TJP2: variants seen among roughly 807,000 people sequenced by gnomAD.
The protein encoded by TJP2 is tight junction protein 2.
Under a neutral mutation model 133.1 loss-of-function variants are expected in TJP2, and 91 were observed. That is an observed-to-expected ratio of 0.68 (90% confidence interval 0.58 to 0.81). TJP2 has a LOEUF of 0.81. TJP2 is among the 40% of genes least tolerant of loss of function. TJP2 has a pLI of 0.00. For missense variants in TJP2, 1,541 were observed against 1,565.6 expected (o/e 0.98, Z 0.26); for synonymous variants, 592 against 583.4 (o/e 1.01, Z -0.21).
chr9:69,175,217 T>C (rs1587971342), intron 1 of TJP2, among the ~76,000 whole-genome samples: 1 of 152,216 alleles, frequency 6.6e-6, no homozygotes, highest in South Asian at 2.1e-4. Context: ...AGGCTGCTTT[T>C]CTGGCAGCTG....
chr9:69,135,763 G>A (rs74364639), intron 1 of TJP2, among the ~76,000 whole-genome samples: 3,464 of 152,098 alleles, frequency 0.023, 104 homozygotes, highest in African/African-American at 0.066. Context: ...GCGCCATCAC[G>A]CCCAGCTAAT....
Position 69,204,821 on chromosome 9 carries a change from A to T in TJP2, c.61-7727A>T, listed in dbSNP as rs763255690. 1.4e-4 allele frequency: 148 copies of T among 1,083,244 alleles called. 1 individual carries two copies. The highest frequency in any genetic ancestry group is 1.5e-4 in the Non-Finnish European group (136 of 891,174). 67.1% of individuals were successfully genotyped at this position (1,083,244 alleles called of 1,614,324 possible). A position where few individuals can be genotyped will look rare whatever the true frequency, so the allele number is the denominator to read the frequency against. On this transcript the variant is annotated intron_variant, in intron 1 of 22. Transcript: ENST00000377245. ...CCATAATGTTGCTCTAAAGTGTCTC[A>T]TTTACTCAATTCTGTCAACTTAGAT... is the stretch of plus-strand genomic sequence containing the variant.
intron 1 of TJP2, among the ~76,000 whole-genome samples, chr9:69,150,943 T>G (rs1385223032): frequency 6.6e-6 from 1 of 152,174 alleles, no homozygotes; most frequent in Non-Finnish European, 1.5e-5. Flanking sequence ...AGGAATGAAG[T>G]GCTGATGTAT....
At chr9:69,219,399 CTG>C (rs1474149059) in intron 4 of TJP2, among the ~76,000 whole-genome samples, 1 of 152,174 alleles carries the variant, frequency 6.6e-6, no homozygotes, top group Non-Finnish European at 1.5e-5. Flanking sequence ...TACTTGGTCT[CTG>C]TATGTATATA....
chr9:69,223,069 GAAAAAAAAAAAAAA>G (rs57114714), intron 5 of TJP2, among the ~76,000 whole-genome samples: 10 of 114,084 alleles, frequency 8.8e-5, no homozygotes, highest in Non-Finnish European at 1.6e-4. Flanking sequence ...ACTCTGTCTT[GAAAAAAAAAAAAAA>G]AAAAAAAAGA....
chr9:69,214,490 A>T (rs547043038), intron 2 of TJP2, among the ~76,000 whole-genome samples: 13 of 152,286 alleles, frequency 8.5e-5, no homozygotes, highest in African/African-American at 2.9e-4. Flanking sequence ...CTTATTTCCG[A>T]TCTTCCATGC....
intron 1 of TJP2, among the ~76,000 whole-genome samples, chr9:69,198,810 T>C (rs1198743804): frequency 6.6e-6 from 1 of 152,202 alleles, no homozygotes; most frequent in East Asian, 1.9e-4. Flanking sequence ...AGGGTTTTGT[T>C]TGTAAAACAA....
chr9:69,211,809 C>G (rs1827935742), intron 1 of TJP2, among the ~76,000 whole-genome samples: 1 of 152,188 alleles, frequency 6.6e-6, no homozygotes, highest in Non-Finnish European at 1.5e-5. Context: ...TAGATCCACC[C>G]AGACCTGATC....
Position 69,254,541 on chromosome 9 carries a change from C to G in TJP2, c.*167C>G, listed in dbSNP as rs1030153985. 12 of 847,950 alleles carry G rather than the reference C, an allele frequency of 1.4e-5. No individual in the cohort carries two copies. Among genetic ancestry groups the G allele is most frequent in the African/African-American group, 1.0e-4 (6 of 59,832 alleles). 52.5% of individuals were successfully genotyped at this position (847,950 alleles called of 1,614,324 possible). On this transcript the variant is annotated 3_prime_UTR_variant, in exon 23 of 23. Coordinates refer to ENST00000377245, the MANE Select transcript of TJP2 (RefSeq NM_004817.4). ...ACCCAGGGGACAGCTGGTGCAAATT[C>G]AGAACTGAGGGCTCTGTTTGTGGGA...
At chr9:69,238,124 TG>T in intron 15 of TJP2, 151 bp downstream of exon 15, 1 of 684,552 alleles carries the variant, frequency 1.5e-6, no homozygotes, top group Non-Finnish European at 2.7e-6. Flanking sequence ...ACCCACTGCC[TG>T]CACCATAGAC....
At chr9:69,210,725 T>C (rs960986559) in intron 1 of TJP2, among the ~76,000 whole-genome samples, 12 of 149,600 alleles carry the variant, frequency 8.0e-5, no homozygotes, top group African/African-American at 2.5e-4. Flanking sequence ...TCTGGCCTTT[T>C]TCAGGTATTT....
rs1026599844 is a variant in TJP2, at chr9:69,205,423, T to C, written c.61-7125T>C. The C allele has an allele frequency of 9.5e-5, 117 of 1,236,782 alleles. No homozygotes were observed. In the South Asian group the frequency reaches 1.9e-3, roughly 20 times the overall value. 76.6% of individuals were successfully genotyped at this position (1,236,782 alleles called of 1,614,324 possible). On this transcript the variant is annotated intron_variant, in intron 1 of 22. Transcript: ENST00000377245. The stretch of plus-strand genomic sequence containing the variant: ...GGGTTTTTAAAAATACTTGTATTAA[T>C]TTTAGCAGATCTATGTGAAACTGAT...
chr9:69,151,072 TAAA>T (rs1823449932), intron 1 of TJP2, among the ~76,000 whole-genome samples: 1 of 151,908 alleles, frequency 6.6e-6, no homozygotes, highest in Non-Finnish European at 1.5e-5. Context: ...ATCTATAGAG[TAAA>T]AAATTAGATT....
In TJP2 at chr9:69,236,945, T is replaced by C. The variant is rs1830233077; in HGVS notation, c.1992-4T>C. 3 of 1,614,090 alleles carry C rather than the reference T, an allele frequency of 1.9e-6. No homozygotes were observed. In the African/African-American group the frequency reaches 4.0e-5, roughly 22 times the overall value. On this transcript the variant is annotated splice_region_variant and splice_polypyrimidine_tract_variant and intron_variant, in intron 13 of 22. Transcript: ENST00000377245. Reference sequence around the variant, plus strand: ...GAGATTTACTTCCCGTGGTTTCTTCTCAGAGCTGAACAAATGGCCAGTGTT... The same window carrying C: ...GAGATTTACTTCCCGTGGTTTCTTCCCAGAGCTGAACAAATGGCCAGTGTT...
At chr9:69,121,480 A>C in exon 1 of TJP2, 11 of 377,750 alleles carry the variant, frequency 2.9e-5, no homozygotes, top group Non-Finnish European at 4.0e-5. Flanking sequence ...AAACCTCTAA[A>C]CAGGAAATAG....
At chr9:69,222,430 T>C (rs996619769) in intron 5 of TJP2, among the ~76,000 whole-genome samples, 1 of 152,136 alleles carries the variant, frequency 6.6e-6, no homozygotes, top group South Asian at 2.1e-4. Flanking sequence ...CCTCCCAAAG[T>C]GCTGGGATTA....
At chr9:69,132,949 A>G (rs1822561561) in intron 1 of TJP2, among the ~76,000 whole-genome samples, 1 of 143,624 alleles carries the variant, frequency 7.0e-6, no homozygotes, top group African/African-American at 2.6e-5. Context: ...TTCTTCATCT[A>G]AAAACAGGGA....
At chr9:69,169,550 G>C (rs2132902132), upstream of TJP2, among the ~76,000 whole-genome samples, 1 of 152,060 alleles carries the variant, frequency 6.6e-6, no homozygotes, top group Admixed American at 6.5e-5. Flanking sequence ...AGTAGAGACG[G>C]GGTTTCACCA....
chr9:69,146,469 A>G (rs1049856757), intron 1 of TJP2, among the ~76,000 whole-genome samples: 2 of 152,256 alleles, frequency 1.3e-5, no homozygotes, highest in Non-Finnish European at 2.9e-5. Context: ...AATGAGTCAC[A>G]CAGTAGCATG....
Sources: allele counts gnomAD v4.1 joint callset (sites outside exome capture counted in the v4.1 genomes callset), GRCh38; gene constraint gnomAD v4.1.1; transcripts MANE v1.5; gene names NCBI Gene and HGNC (gene_info 2026-07-23, HGNC 2026-07-21).